Variants in SPTBN1 observed in about 807,000 individuals in gnomAD.
SPTBN1 encodes spectrin beta, non-erythrocytic 1.
SPTBN1 carries 32 observed loss-of-function variants against 266.4 expected under a neutral mutation model. The observed-to-expected ratio is 0.12, with a 90% CI of 0.09 to 0.16. The LOEUF (loss-of-function observed/expected upper bound fraction) is 0.16. Among genes scored for constraint, SPTBN1 ranks in the 10% least tolerant of loss-of-function variants. The pLI is 1.00. For missense variants in SPTBN1, 2,296 were observed against 3,067.1 expected, an observed-to-expected ratio of 0.75 and a Z score of 5.94; for synonymous variants, 1,336 against 1,162.2, an observed-to-expected ratio of 1.15 and a Z score of -3.04.
intron 18 of SPTBN1, among the ~76,000 whole-genome samples, chr2:54,641,293 G>GTGCT (rs1233866055): frequency 6.8e-6 from 1 of 147,768 alleles, no homozygotes; most frequent in Admixed American, 6.7e-5. Flanking sequence ...TTTATGTAGC[G>GTGCT]CGCTCTCTCT....
chr2:54,500,229 T>C (rs1170599735), intron 1 of SPTBN1, among the ~76,000 whole-genome samples: 1 of 152,224 alleles, frequency 6.6e-6, no homozygotes, highest in Non-Finnish European at 1.5e-5. Context: ...AAGACTCATG[T>C]TTCAGGCAAC....
In SPTBN1 at chr2:54,664,713, A is replaced by T. The variant is rs1197756779; in HGVS notation, c.6659+22A>T. 6.2e-7 allele frequency: 1 copy of T among 1,609,232 alleles called. No homozygotes were observed. Among genetic ancestry groups the T allele is most frequent in the Non-Finnish European group, 8.5e-7 (1 of 1,176,346 alleles). The stretch of plus-strand genomic sequence containing the variant: ...GCAGGTAACAGCAGCAGAGGCTGCC[A>T]CAGTAAGATGGGAAGTCAGCCTGTG... On this transcript the variant is annotated intron_variant, in intron 33 of 35. Transcript: ENST00000356805. This position sits in a 1 kb window ranked among gnomAD's most constrained non-coding sequence, Gnocchi z 5.6.
intron 1 of SPTBN1, among the ~76,000 whole-genome samples, chr2:54,514,159 G>C (rs974713141): frequency 6.6e-6 from 1 of 152,142 alleles, no homozygotes; most frequent in Non-Finnish European, 1.5e-5. Context: ...AATGGAGGAA[G>C]GTGAGAGGGG....
intron 4 of SPTBN1, among the ~76,000 whole-genome samples, chr2:54,615,949 AG>A (rs1027587620): frequency 7.2e-5 from 11 of 152,320 alleles, no homozygotes; most frequent in African/African-American, 2.2e-4. Flanking sequence ...GGGTTGTCTC[AG>A]GGGTAAAAAT....
At chr2:54,622,605 T>C in intron 9 of SPTBN1, 118 bp downstream of exon 9, 1 of 1,143,136 alleles carries the variant, frequency 8.7e-7, no homozygotes. Context: ...TTCAGTAGTG[T>C]GTCCTACTCC....
At position 54,644,427 on chromosome 2, in the gene SPTBN1, G is replaced by C. The variant is rs1303087838; in HGVS notation, c.4110G>C (p.Gln1370His). 6.2e-7 allele frequency: 1 copy of C among 1,614,248 alleles called. No homozygotes were observed. The highest frequency in any genetic ancestry group is 2.2e-5 in the East Asian group (1 of 44,892). ...GGGAAGTCCTTGAATCCACTACCCA[G>C]ACAAAGGCCCAGCGGCTCTTTGATG... Reference protein sequence around the residue: ...KMWEVLESTTQTKAQRLFDAN... With the variant: ...KMWEVLESTTHTKAQRLFDAN... Residue 1370 changes from glutamine to histidine, a missense_variant, in exon 20 of 36, where the codon CAG becomes CAC. Gln to His is a conservative substitution (Grantham distance 24). Transcript: ENST00000356805.
chr2:54,657,700 C>A, intron 29 of SPTBN1, 150 bp from the exon 30 acceptor site: 1 of 879,672 alleles, frequency 1.1e-6, no homozygotes, highest in Non-Finnish European at 1.7e-6. Flanking sequence ...GCTCACATTA[C>A]ATTTACATTG....
Position 54,647,192 on chromosome 2 carries a change from A to G in SPTBN1, c.4928A>G (p.Asp1643Gly). 1 of 1,614,194 alleles carries G rather than the reference A, an allele frequency of 6.2e-7. No individual in the cohort carries two copies. The highest frequency in any genetic ancestry group is 8.5e-7 in the Non-Finnish European group (1 of 1,180,036). The change falls in exon 24 of 36, where the codon GAC (aspartate) becomes GGC (glycine). Residue 1643 changes from aspartate (D) to glycine (G), a missense_variant. By Grantham distance (94) the Asp-to-Gly change is moderately conservative. This residue lies in a region of SPTBN1 where 644 missense variants were observed against 745.3 expected (regional missense o/e 0.86). Coordinates refer to ENST00000356805, the MANE Select transcript of SPTBN1 (RefSeq NM_003128.3). The stretch of plus-strand genomic sequence containing the variant: ...CAGATCTTAGAACAAGCTGTGGAGG[A>G]CTATGCAGAGACCGTGCATCAGCTC... ...KHQILEQAVE[D>G]YAETVHQLSK...
At chr2:54,496,137 T>TA (rs548959622) in intron 1 of SPTBN1, among the ~76,000 whole-genome samples, 35 of 151,786 alleles carry the variant, frequency 2.3e-4, no homozygotes, top group South Asian at 1.0e-3. Context: ...AGAAATATGT[T>TA]AAAAAAAAGT....
rs1679877412 is a variant in SPTBN1 at position 54,645,674 on chromosome 2, G to T, written c.4494+221G>T. On this transcript the variant is annotated intron_variant, in intron 21 of 35. Coordinates refer to ENST00000356805, the MANE Select transcript of SPTBN1 (RefSeq NM_003128.3). The surrounding 1 kb of genome is among the most constrained non-coding windows in gnomAD (Gnocchi z 4.3). ...TCTAGGGATACTGTAGGATTTTAAT[G>T]GCCCTAAAACAGACTTTTTAAAAGT... Among the ~76,000 whole-genome samples, 1 of 152,122 alleles carries T rather than the reference G, an allele frequency of 6.6e-6. No homozygotes were observed. The highest frequency in any genetic ancestry group is 2.4e-5 in the African/African-American group (1 of 41,420).
chr2:54,480,847 G>T (rs866324089), intron 1 of SPTBN1, among the ~76,000 whole-genome samples: 32 of 152,216 alleles, frequency 2.1e-4, no homozygotes, highest in African/African-American at 7.2e-4. Context: ...TCCTTGCAGG[G>T]GAGTCCATTA....
chr2:54,590,559 C>T (rs1675607755), intron 2 of SPTBN1, among the ~76,000 whole-genome samples: 1 of 152,226 alleles, frequency 6.6e-6, no homozygotes, highest in African/African-American at 2.4e-5. Flanking sequence ...TGAGAGACCA[C>T]ATCCCATCAA....
chr2:54,578,938 G>T (rs925781656), intron 2 of SPTBN1, among the ~76,000 whole-genome samples: 1 of 152,096 alleles, frequency 6.6e-6, no homozygotes, highest in East Asian at 1.9e-4. Context: ...TCTTAGGAAT[G>T]CCTAACACTG....
chr2:54,631,353 G>T lies in SPTBN1; in HGVS notation c.3306G>T (p.Thr1102=), dbSNP rs138292943. ...NTLTEAEKLL[T]QHENIKNEID... ...TGACCGAGGCTGAGAAGCTGCTCAC[G>T]CAGCACGAGAACATCAAGAACGAGA... Residue 1102 remains threonine (T), a synonymous_variant, in exon 16 of 36, where the codon ACG becomes ACT. Coordinates refer to ENST00000356805, the MANE Select transcript of SPTBN1 (RefSeq NM_003128.3). 6.2e-7 allele frequency: 1 copy of T among 1,614,126 alleles called. No individual in the cohort carries two copies. Among genetic ancestry groups the T allele is most frequent in the African/African-American group, 1.3e-5 (1 of 74,936 alleles).
intron 2 of SPTBN1, among the ~76,000 whole-genome samples, chr2:54,586,743 A>G (rs187993782): frequency 6.6e-5 from 10 of 152,330 alleles, no homozygotes; most frequent in East Asian, 5.8e-4. Flanking sequence ...TTTGGATTCA[A>G]TGAATTACTG....
intron 1 of SPTBN1, among the ~76,000 whole-genome samples, chr2:54,478,069 C>T (rs954850419): frequency 2.0e-5 from 3 of 152,122 alleles, no homozygotes; most frequent in Non-Finnish European, 4.4e-5. Context: ...CAAAAACATA[C>T]ATTAAGAAAA....
At chr2:54,521,576 C>A (rs1230807351) in intron 1 of SPTBN1, among the ~76,000 whole-genome samples, 1 of 152,138 alleles carries the variant, frequency 6.6e-6, no homozygotes, top group African/African-American at 2.4e-5. Flanking sequence ...TGCAGTGACA[C>A]GATCATGGCT....
At chr2:54,529,428 T>A (rs781760841) in intron 2 of SPTBN1, 14 of 705,018 alleles carry the variant, frequency 2.0e-5, no homozygotes, top group Non-Finnish European at 3.2e-5. Context: ...AAGAAGGTAG[T>A]GTTGAAAGGT....
At chr2:54,478,701 A>G (rs1667965765) in intron 1 of SPTBN1, among the ~76,000 whole-genome samples, 1 of 152,190 alleles carries the variant, frequency 6.6e-6, no homozygotes, top group Non-Finnish European at 1.5e-5. Flanking sequence ...TACTTCTGCT[A>G]ATTGGAACCA....
Sources: allele counts gnomAD v4.1 joint callset (sites outside exome capture counted in the v4.1 genomes callset), GRCh38; gene constraint gnomAD v4.1.1; regional missense constraint gnomAD v4.1.1; non-coding constraint Gnocchi (gnomAD v3.1); transcripts MANE v1.5; gene names NCBI Gene and HGNC (gene_info 2026-07-23, HGNC 2026-07-21).